The following MOXD1 variants were observed in gnomAD, a reference collection of about 807,000 sequenced individuals.
MOXD1 encodes the protein DBH-like monooxygenase protein 1.
A neutral mutation model predicts 66.6 loss-of-function variants in MOXD1; 62 were observed. The observed-to-expected ratio is 0.93, with a 90% CI of 0.76 to 1.15. MOXD1 has a LOEUF of 1.15. Ranked by LOEUF, MOXD1 falls within the 50% of genes most tolerant of loss-of-function variation. MOXD1 has a pLI of 0.00. For missense variants in MOXD1, 847 were observed against 754.6 expected (o/e 1.12, Z -1.44); for synonymous variants, 303 against 281.9 (o/e 1.07, Z -0.75).
intron 1 of MOXD1, among the ~76,000 whole-genome samples, chr6:132,384,251 TTCCTTC>T (rs1776572855): frequency 2.8e-5 from 2 of 70,390 alleles, no homozygotes; most frequent in African/African-American, 1.5e-4. Context: ...TCTTCCTTCC[TTCCTTC>T]CTTCCTTCCT....
At chr6:132,320,356 A>G (rs1031782700) in intron 9 of MOXD1, among the ~76,000 whole-genome samples, 1 of 152,184 alleles carries the variant, frequency 6.6e-6, no homozygotes, top group Non-Finnish European at 1.5e-5. Context: ...TAAAAATATT[A>G]GATGAGAAAA....
intron 9 of MOXD1, among the ~76,000 whole-genome samples, chr6:132,318,680 T>C (rs763713566): frequency 3.4e-4 from 52 of 152,094 alleles, no homozygotes; most frequent in Admixed American, 2.3e-3. Context: ...GTCAAATTTG[T>C]TAATCTTTAA....
At chr6:132,318,142 TTATTA>T (rs992556036) in intron 9 of MOXD1, among the ~76,000 whole-genome samples, 4 of 152,086 alleles carry the variant, frequency 2.6e-5, no homozygotes, top group Non-Finnish European at 5.9e-5. Flanking sequence ...CTTTCCTATA[TTATTA>T]TATGTTACTA....
rs1562276293 is a variant in MOXD1, at chr6:132,303,806, C to CGTGTGTGTGTGT, written c.1509-5852_1509-5851insACACACACACAC. On this transcript the variant is annotated intron_variant, in intron 10 of 11. Coordinates refer to ENST00000367963, the MANE Select transcript of MOXD1 (RefSeq NM_015529.4). ...ACACATATATACATATATACACACACATGTGTGTGTGTGTGTGTGTGTGTG... is the reference window on the plus strand; with the variant it reads ...ACACATATATACATATATACACACACGTGTGTGTGTGTATGTGTGTGTGTGTGTGTGTGTGTG... Among the ~76,000 whole-genome samples the CGTGTGTGTGTGT allele has an allele frequency of 1.1e-3, 99 of 91,308 alleles. 3 individuals are homozygous for CGTGTGTGTGTGT. Among genetic ancestry groups the CGTGTGTGTGTGT allele is most frequent in the South Asian group, 7.9e-3 (16 of 2,018 alleles). 59.9% of individuals were successfully genotyped at this position (91,308 alleles called of 152,430 possible). A position where few individuals can be genotyped will look rare whatever the true frequency, so the allele number is the denominator to read the frequency against.
intron 1 of MOXD1, among the ~76,000 whole-genome samples, chr6:132,383,927 G>A (rs1279103524): frequency 6.6e-6 from 1 of 152,012 alleles, no homozygotes; most frequent in South Asian, 2.1e-4. Context: ...AAAATTAGCC[G>A]GTTGTGGTGG....
chr6:132,386,437 A>ACAAAACAAAAC (rs1262240824), intron 1 of MOXD1, among the ~76,000 whole-genome samples: 21 of 145,384 alleles, frequency 1.4e-4, no homozygotes, highest in African/African-American at 5.2e-4. Context: ...ACAAAACAAA[A>ACAAAACAAAAC]AAAAAAAACA....
chr6:132,358,856 T>C (rs530830986), intron 4 of MOXD1, among the ~76,000 whole-genome samples: 19 of 152,298 alleles, frequency 1.2e-4, no homozygotes, highest in South Asian at 8.3e-4. Context: ...CAAAGCTTGG[T>C]AAATAAATAA....
chr6:132,397,858 C>T (rs1034590277), intron 1 of MOXD1, among the ~76,000 whole-genome samples: 3 of 152,160 alleles, frequency 2.0e-5, no homozygotes, highest in African/African-American at 7.2e-5. Context: ...GCATTACATC[C>T]TGCCTGTTCC....
Position 132,367,319 on chromosome 6 carries a change from G to A in MOXD1, c.663+5289C>T, listed in dbSNP as rs1375249450. Among the ~76,000 whole-genome samples the A allele has an allele frequency of 1.3e-5, 2 of 151,996 alleles. 1 individual carries two copies. The highest frequency in any genetic ancestry group is 2.9e-5 in the Non-Finnish European group (2 of 67,938). On this transcript the variant is annotated intron_variant, in intron 4 of 11. Coordinates refer to ENST00000367963, the MANE Select transcript of MOXD1 (RefSeq NM_015529.4). ...TGCTAGTGATCTACAAAATTTTATT[G>A]AATTTACTTACCTTGTTTAACAGAA...
At chr6:132,379,341 T>C (rs1776464927) in intron 1 of MOXD1, among the ~76,000 whole-genome samples, 1 of 152,134 alleles carries the variant, frequency 6.6e-6, no homozygotes, top group South Asian at 2.1e-4. Flanking sequence ...AAACTAGCAA[T>C]AGAAGGGCAC....
At chr6:132,381,521 C>T (rs372254904) in intron 1 of MOXD1, among the ~76,000 whole-genome samples, 16 of 149,620 alleles carry the variant, frequency 1.1e-4, no homozygotes, top group Non-Finnish European at 1.8e-4. Flanking sequence ...GATGAAAAGC[C>T]GAAAAGAAAA....
rs550417585 is a variant in MOXD1, at chr6:132,391,427, C to G, written c.264+9736G>C. 21 of 152,040 alleles carry G rather than the reference C, an allele frequency of 1.4e-4. 1 individual carries two copies. In the South Asian group the frequency reaches 4.4e-3, roughly 32 times the overall value. 9.4% of individuals were successfully genotyped at this position (152,040 alleles called of 1,614,324 possible). Reference sequence around the variant, plus strand: ...TTTTTGCGTATATGCTATATGGTGTCCTTATGAACAGCTTTTTTTTTCTAC... The same window carrying G: ...TTTTTGCGTATATGCTATATGGTGTGCTTATGAACAGCTTTTTTTTTCTAC... On this transcript the variant is annotated intron_variant, in intron 1 of 11. Coordinates refer to ENST00000367963, the MANE Select transcript of MOXD1 (RefSeq NM_015529.4).
chr6:132,339,692 G>A (rs1377884479), intron 4 of MOXD1, among the ~76,000 whole-genome samples: 1 of 152,030 alleles, frequency 6.6e-6, no homozygotes, highest in Non-Finnish European at 1.5e-5. Flanking sequence ...CAATCACAAG[G>A]AATCTGTAGA....
intron 9 of MOXD1, among the ~76,000 whole-genome samples, chr6:132,320,137 C>T (rs1245822606): frequency 1.3e-5 from 2 of 152,010 alleles, no homozygotes; most frequent in African/African-American, 2.4e-5. Flanking sequence ...GGGAGGTGTT[C>T]CCTCTTTTAG....
intron 1 of MOXD1, among the ~76,000 whole-genome samples, chr6:132,386,351 G>A (rs1776637666): frequency 6.7e-6 from 1 of 148,886 alleles, no homozygotes; most frequent in East Asian, 2.0e-4. Flanking sequence ...GCAGTGAGCC[G>A]AGATCGCGCC....
chr6:132,353,606 TC>T (rs1347054745), intron 4 of MOXD1, among the ~76,000 whole-genome samples: 2 of 152,176 alleles, frequency 1.3e-5, no homozygotes, highest in Non-Finnish European at 2.9e-5. Context: ...CTTTCCTTCA[TC>T]TTAACTTCAT....
intron 10 of MOXD1, among the ~76,000 whole-genome samples, chr6:132,314,686 G>A (rs1405803335): frequency 1.3e-5 from 2 of 152,198 alleles, no homozygotes; most frequent in African/African-American, 2.4e-5. Flanking sequence ...TCCTTATCAC[G>A]GAGGTCGCTG....
chr6:132,354,025 G>A (rs1418856044), intron 4 of MOXD1, among the ~76,000 whole-genome samples: 1 of 152,098 alleles, frequency 6.6e-6, no homozygotes, highest in Non-Finnish European at 1.5e-5. Context: ...TTGATTGTTT[G>A]TTCTTTAACA....
At chr6:132,352,907 T>A (rs2114628731) in intron 4 of MOXD1, among the ~76,000 whole-genome samples, 1 of 152,324 alleles carries the variant, frequency 6.6e-6, no homozygotes, top group South Asian at 2.1e-4. Flanking sequence ...CTCTTTTAAC[T>A]GCTGTTGCTT....
Sources: allele counts gnomAD v4.1 joint callset (sites outside exome capture counted in the v4.1 genomes callset), GRCh38; gene constraint gnomAD v4.1.1; transcripts MANE v1.5; gene names NCBI Gene and HGNC (gene_info 2026-07-23, HGNC 2026-07-21).